The following DNAJB14 variants were observed in gnomAD, a reference collection of about 807,000 sequenced individuals.
DNAJB14 encodes dnaJ homolog subfamily B member 14.
A neutral mutation model predicts 48.4 loss-of-function variants in DNAJB14; 22 were observed. The observed-to-expected ratio is 0.45, with a 90% CI of 0.32 to 0.65. DNAJB14 has a LOEUF of 0.65. DNAJB14 is among the 30% of genes least tolerant of loss of function. The pLI, the probability that DNAJB14 is intolerant of heterozygous loss-of-function variation, is 0.03. For synonymous variants in DNAJB14, 142 were observed against 158.7 expected, an observed-to-expected ratio of 0.89 and a Z score of 0.79; for missense variants, 319 against 458.8, an observed-to-expected ratio of 0.70 and a Z score of 2.78.
intron 2 of DNAJB14, chr4:99,930,180 A>G (rs1160491099): frequency 3.9e-6 from 1 of 257,846 alleles, no homozygotes; most frequent in Non-Finnish European, 7.3e-6. Flanking sequence ...TAAACAACAT[A>G]TTGTGTGAAA....
intron 1 of DNAJB14, among the ~76,000 whole-genome samples, chr4:99,936,161 T>C (rs1459763075): frequency 2.6e-5 from 4 of 152,250 alleles, no homozygotes; most frequent in African/African-American, 7.2e-5. Flanking sequence ...CTAAAATACA[T>C]AGAAAATTTT....
At position 99,905,396 on chromosome 4, in the gene DNAJB14, T is replaced by C. The variant is rs904904459; in HGVS notation, c.842+201A>G. 5.9e-5 allele frequency among the ~76,000 whole-genome samples: 9 copies of C among 152,076 alleles called. No homozygotes were observed. The East Asian group carries it at 9.6e-4, about 16-fold the overall frequency. On this transcript the variant is annotated intron_variant, in intron 6 of 7. Transcript: ENST00000442697. The stretch of plus-strand genomic sequence containing the variant: ...TCTGTCCTTATCCACAGTGGAAGAA[T>C]AGAAATGTAAATTAACAACATAAGA...
At chr4:99,933,303 CT>C (rs759298582) in intron 1 of DNAJB14, among the ~76,000 whole-genome samples, 5,402 of 88,760 alleles carry the variant, frequency 0.061, 74 homozygotes, top group East Asian at 0.19. Context: ...CATAAACAGT[CT>C]TTTTTTTTTT....
At chr4:99,902,338 A>G (rs1228855744) in intron 7 of DNAJB14, among the ~76,000 whole-genome samples, 1 of 144,592 alleles carries the variant, frequency 6.9e-6, no homozygotes, top group Admixed American at 6.8e-5. Flanking sequence ...TTCCCATCCC[A>G]TGATGACACA....
intron 3 of DNAJB14, among the ~76,000 whole-genome samples, chr4:99,916,684 A>G (rs1725867930): frequency 6.6e-6 from 1 of 151,960 alleles, no homozygotes; most frequent in African/African-American, 2.4e-5. Context: ...ATAACTTTTT[A>G]GCGGTTGCTC....
chr4:99,917,489 G>A (rs1459122073), intron 3 of DNAJB14, among the ~76,000 whole-genome samples: 1 of 152,104 alleles, frequency 6.6e-6, no homozygotes, highest in Non-Finnish European at 1.5e-5. Flanking sequence ...CCTCCCAAAG[G>A]CCTCACCTCC....
At chr4:99,920,937 C>T (rs1371642419) in intron 3 of DNAJB14, among the ~76,000 whole-genome samples, 1 of 152,070 alleles carries the variant, frequency 6.6e-6, no homozygotes, top group Non-Finnish European at 1.5e-5. Flanking sequence ...TGTCTTTGCT[C>T]AGAGATAAAT....
intron 3 of DNAJB14, among the ~76,000 whole-genome samples, chr4:99,913,090 CCTTGGATTTCTA>C (rs1725722335): frequency 6.6e-6 from 1 of 152,094 alleles, no homozygotes; most frequent in African/African-American, 2.4e-5. Flanking sequence ...TCTGTAGATT[CCTTGGATTTCTA>C]CATAGATAAT....
intron 1 of DNAJB14, among the ~76,000 whole-genome samples, chr4:99,931,420 T>A (rs1248388569): frequency 6.6e-6 from 1 of 152,090 alleles, no homozygotes; most frequent in Non-Finnish European, 1.5e-5. Context: ...GATTATACTA[T>A]TTTTTTCTCC....
intron 3 of DNAJB14, among the ~76,000 whole-genome samples, chr4:99,910,095 C>G (rs1448623591): frequency 6.6e-6 from 1 of 152,006 alleles, no homozygotes; most frequent in African/African-American, 2.4e-5. Flanking sequence ...TGGATGATTA[C>G]ACATTACACT....
chr4:99,923,317 T>A, intron 2 of DNAJB14, 132 bp from the exon 3 acceptor site: 1 of 860,908 alleles, frequency 1.2e-6, no homozygotes, highest in Admixed American at 3.3e-5. Context: ...TGAAGGCTTA[T>A]CCCTTTAAGG....
intron 1 of DNAJB14, among the ~76,000 whole-genome samples, chr4:99,941,916 T>C (rs185102155): frequency 4.9e-4 from 75 of 152,274 alleles, no homozygotes; most frequent in African/African-American, 1.7e-3. Context: ...ATAGAAATAA[T>C]TGTTTTGAAT....
intron 1 of DNAJB14, among the ~76,000 whole-genome samples, chr4:99,937,083 G>A (rs753911788): frequency 2.0e-5 from 3 of 151,892 alleles, no homozygotes; most frequent in Admixed American, 6.5e-5. Flanking sequence ...TTGGGAGGCC[G>A]AGGCGGGCGG....
intron 1 of DNAJB14, among the ~76,000 whole-genome samples, chr4:99,943,246 A>G (rs1432040046): frequency 1.3e-5 from 2 of 152,140 alleles, no homozygotes; most frequent in Non-Finnish European, 2.9e-5. Context: ...CATCTGAACT[A>G]AGGTTTTTGG....
At chr4:99,920,671 C>T (rs921630232) in intron 3 of DNAJB14, among the ~76,000 whole-genome samples, 2 of 152,198 alleles carry the variant, frequency 1.3e-5, no homozygotes, top group Admixed American at 1.3e-4. Flanking sequence ...ACATATAATC[C>T]TAACTGGAAG....
intron 1 of DNAJB14, among the ~76,000 whole-genome samples, chr4:99,930,858 T>C (rs537779110): frequency 2.0e-5 from 3 of 152,200 alleles, no homozygotes; most frequent in Non-Finnish European, 4.4e-5. Context: ...ATCATTCAAT[T>C]ATTTATGACA....
chr4:99,902,694 A>C (rs770999172), intron 7 of DNAJB14, among the ~76,000 whole-genome samples: 32 of 152,180 alleles, frequency 2.1e-4, no homozygotes, highest in Non-Finnish European at 4.0e-4. Flanking sequence ...AATTTTCACA[A>C]CAAACCCCAT....
At chr4:99,942,463 TAC>T (rs1404695503) in intron 1 of DNAJB14, 1 of 152,094 alleles carries the variant, frequency 6.6e-6, no homozygotes, top group Non-Finnish European at 1.5e-5. Flanking sequence ...ATTCAGAAAC[TAC>T]AGTTACTGAG....
At chr4:99,938,137 G>A (rs1309865926) in intron 1 of DNAJB14, among the ~76,000 whole-genome samples, 10 of 129,054 alleles carry the variant, frequency 7.7e-5, no homozygotes, top group African/African-American at 2.6e-4. Flanking sequence ...ATAGCTGGGC[G>A]TCGTGGTGCA....
Sources: gnomAD v4.1 joint callset for allele counts (sites outside exome capture counted in the v4.1 genomes callset) on GRCh38, gnomAD v4.1.1 for gene constraint, MANE v1.5 for transcripts, NCBI Gene and HGNC (gene_info 2026-07-23, HGNC 2026-07-21) for gene names.